TMC8: variants seen among roughly 807,000 people sequenced by gnomAD.
TMC8 encodes the protein transmembrane channel-like protein 8.
Under a neutral mutation model 76.0 loss-of-function variants are expected in TMC8, and 71 were observed. The observed-to-expected ratio is 0.93, with a 90% confidence interval of 0.77 to 1.14. The LOEUF is 1.14. Among genes scored for constraint, TMC8 ranks in the 50% most tolerant of loss-of-function variants. The pLI is 0.00. For missense variants in TMC8, 924 were observed against 947.9 expected (o/e 0.97, Z 0.33); for synonymous variants, 433 against 433.8 (o/e 1.00, Z 0.02).
In TMC8 at chr17:78,133,271, C is replaced by G. The variant is rs2075089520; in HGVS notation, c.532-135C>G. On this transcript the variant is annotated intron_variant, in intron 5 of 15. Coordinates refer to ENST00000318430, the MANE Select transcript of TMC8 (RefSeq NM_152468.5). ...TGACCGTGGGCACGTTGCCGAACCTCTGTGGGCCCTTGTAAGACGGGACAC... is the reference window on the plus strand; with the variant it reads ...TGACCGTGGGCACGTTGCCGAACCTGTGTGGGCCCTTGTAAGACGGGACAC... 2.8e-6 allele frequency: 4 copies of G among 1,431,712 alleles called. No individual in the cohort carries two copies. The African/African-American group carries it at 5.6e-5, about 20-fold the overall frequency. 88.7% of individuals were successfully genotyped at this position (1,431,712 alleles called of 1,614,324 possible).
At chr17:78,138,236 T>A (rs753500900) in intron 12 of TMC8, 48 bp downstream of exon 12, 38 of 1,613,070 alleles carry the variant, frequency 2.4e-5, no homozygotes, top group Non-Finnish European at 2.6e-5. Flanking sequence ...TCTGGGTGGA[T>A]GCCTTGAGCT....
Position 78,133,449 on chromosome 17 carries a change from G to A in TMC8, c.575G>A (p.Gly192Glu), listed in dbSNP as rs201178150. 3 of 1,613,778 alleles carry A rather than the reference G, an allele frequency of 1.9e-6. No homozygotes were observed. Among genetic ancestry groups the A allele is most frequent in the Admixed American group, 1.7e-5 (1 of 60,012 alleles). ...CTCTTCTACGGTGCGTACCGAGTGG[G>A]GCCGGAGAGCAGCTCCGTGTACAGC... Reference protein sequence around the residue: ...TYLFYGAYRVGPESSSVYSIR... With the variant: ...TYLFYGAYRVEPESSSVYSIR... Residue 192 changes from glycine (G) to glutamate (E), a missense_variant, in exon 6 of 16, where the codon GGG becomes GAG. By Grantham distance (98) the Gly-to-Glu change is moderately conservative (BLOSUM62 -2). Transcript: ENST00000318430.
At chr17:78,131,125 G>T in intron 1 of TMC8, 156 bp from the exon 2 acceptor site, 1 of 233,152 alleles carries the variant, frequency 4.3e-6, no homozygotes, top group Non-Finnish European at 8.7e-6. Flanking sequence ...TTCCGGAAGG[G>T]CAAACTGCCA....
At position 78,138,638 on chromosome 17, in the gene TMC8, G is replaced by T. The variant is rs764753165; in HGVS notation, c.1729G>T (p.Glu577Ter). The T allele has an allele frequency of 1.1e-5, 17 of 1,613,854 alleles. No individual in the cohort carries two copies. The highest frequency in any genetic ancestry group is 1.4e-5 in the Non-Finnish European group (17 of 1,180,046). ...CTCAGCACCCTGGCAAGTGGTCCCG[G>T]AGCTGGTGGCCCTTGGGCTCCCGCC... ...NYSAPWQVVP[E>*]LVALGLPPIG... The change falls in exon 14 of 16, where the codon GAG becomes TAG. Residue 577 changes from glutamate to a stop codon, truncating the protein, a stop_gained. Transcript: ENST00000318430. LOFTEE classifies it high-confidence loss of function.
chr17:78,132,070 G>A (rs1245726486), intron 3 of TMC8, 40 bp downstream of exon 3: 1 of 1,534,754 alleles, frequency 6.5e-7, no homozygotes, highest in Non-Finnish European at 8.7e-7. Context: ...TGCCCTCTCT[G>A]GAGCCCCACT....
intron 7 of TMC8, among the ~76,000 whole-genome samples, 167 bp from the exon 8 acceptor site, chr17:78,134,227 C>T (rs2075149430): frequency 6.6e-6 from 1 of 152,184 alleles, no homozygotes; most frequent in African/African-American, 2.4e-5. Context: ...GCGAGCACGC[C>T]TGTGAATGTG....
Position 78,131,584 on chromosome 17 carries a change from C to CCGAGATG in TMC8, c.-3_4dup. The CCGAGATG allele has an allele frequency of 1.3e-6, 2 of 1,544,468 alleles. No homozygotes were observed. Among genetic ancestry groups the CCGAGATG allele is most frequent in the Non-Finnish European group, 1.7e-6 (2 of 1,146,672 alleles). On this transcript the variant is annotated 5_prime_UTR_variant, in exon 2 of 16. The change creates a new upstream start codon in the 5' untranslated region. Transcript: ENST00000318430. ...GCGCCCCAGCCTCTACCCGTGCCCG[C>CCGAGATG]CGAGATGCTGCTGCCGCGGTCGGTG... is the stretch of plus-strand genomic sequence containing the variant.
At position 78,137,325 on chromosome 17, in the gene TMC8, T is replaced by G. The variant is rs753900323; in HGVS notation, c.1218T>G (p.Cys406Trp). 9.7e-5 allele frequency: 156 copies of G among 1,613,900 alleles called. No homozygotes were observed. Among genetic ancestry groups the G allele is most frequent in the Non-Finnish European group, 1.3e-4 (151 of 1,180,028 alleles). Residue 406 changes from cysteine to tryptophan, a missense_variant, in exon 10 of 16, where the codon TGT becomes TGG. By Grantham distance (215) the Cys-to-Trp change is radical (BLOSUM62 -2). Coordinates refer to ENST00000318430, the MANE Select transcript of TMC8 (RefSeq NM_152468.5). ...ILCIGRDKSS[C>W]ESYGYNVCDY... ...GCATTGGCAGAGACAAGAGCAGCTGTGAGTCCTACGGCTACAACGTTTGTG... is the reference window on the plus strand; with the variant it reads ...GCATTGGCAGAGACAAGAGCAGCTGGGAGTCCTACGGCTACAACGTTTGTG...
Position 78,137,990 on chromosome 17 carries a change from C to T in TMC8, c.1350-15C>T. ...GTCTGGAGTGGTGAGTACCTGGACC[C>T]TCCCATCCCTGCAGGCTGCTGGTGG... On this transcript the variant is annotated splice_polypyrimidine_tract_variant and intron_variant, in intron 11 of 15. Coordinates refer to ENST00000318430, the MANE Select transcript of TMC8 (RefSeq NM_152468.5). 3 of 1,613,616 alleles carry T rather than the reference C, an allele frequency of 1.9e-6. No homozygotes were observed. Among genetic ancestry groups the T allele is most frequent in the Non-Finnish European group, 2.5e-6 (3 of 1,180,002 alleles).
chr17:78,137,146 C>T, intron 9 of TMC8, 89 bp from the exon 10 acceptor site: 1 of 1,575,786 alleles, frequency 6.3e-7, no homozygotes, highest in Non-Finnish European at 8.6e-7. Context: ...AACATGATCC[C>T]ACTCGGACAT....
Position 78,138,080 on chromosome 17 carries a change from G to T in TMC8, c.1425G>T (p.Val475=). 2 of 1,614,092 alleles carry T rather than the reference G, an allele frequency of 1.2e-6. No individual in the cohort carries two copies. The highest frequency in any genetic ancestry group is 2.2e-5 in the East Asian group (1 of 44,874). The part of the protein sequence containing the change: ...EREEFLVPKN[V]LDIVAGQTVT... ...AGGAGTTCCTGGTCCCCAAGAATGT[G>T]CTGGACATCGTGGCGGGGCAGACGG... Residue 475 remains valine (V), a synonymous_variant, in exon 12 of 16, where the codon GTG becomes GTT. Transcript: ENST00000318430.
chr17:78,133,450 G>A lies in TMC8; in HGVS notation c.576G>A (p.Gly192=), dbSNP rs539283808. ...TCTTCTACGGTGCGTACCGAGTGGG[G>A]CCGGAGAGCAGCTCCGTGTACAGCA... is the stretch of plus-strand genomic sequence containing the variant. ...TYLFYGAYRV[G]PESSSVYSIR... The change falls in exon 6 of 16, where the codon GGG becomes GGA. Residue 192 remains glycine (G), a synonymous_variant. Coordinates refer to ENST00000318430, the MANE Select transcript of TMC8 (RefSeq NM_152468.5). 1.2e-6 allele frequency: 2 copies of A among 1,613,768 alleles called. No homozygotes were observed. The highest frequency in any genetic ancestry group is 1.3e-5 in the African/African-American group (1 of 75,050).
intron 10 of TMC8, 175 bp from the exon 11 acceptor site, chr17:78,137,542 C>T: frequency 8.2e-7 from 1 of 1,214,482 alleles, no homozygotes; most frequent in Admixed American, 1.7e-5. Context: ...GTGTGGCTGC[C>T]CTGGCTGTGG....
intron 15 of TMC8, among the ~76,000 whole-genome samples, chr17:78,139,905 G>A (rs1254239764): frequency 2.0e-5 from 3 of 151,934 alleles, no homozygotes; most frequent in African/African-American, 7.3e-5. Context: ...GTGATGGTGG[G>A]CGCCTGTAAT....
intron 11 of TMC8, 25 bp from the exon 12 acceptor site, chr17:78,137,980 T>C: frequency 1.2e-6 from 2 of 1,613,070 alleles, no homozygotes; most frequent in Non-Finnish European, 1.7e-6. Flanking sequence ...GAGTGGTGAG[T>C]ACCTGGACCC....
Position 78,141,317 on chromosome 17 carries a change from G to A in TMC8, c.*205G>A, listed in dbSNP as rs1047596751. ...TATTTTAATCTCATCCCTTTAAAAT[G>A]TCTATTTTTTATTGTGTTTTTTATA... On this transcript the variant is annotated 3_prime_UTR_variant, in exon 16 of 16. Coordinates refer to ENST00000318430, the MANE Select transcript of TMC8 (RefSeq NM_152468.5). 11 of 399,320 alleles carry A rather than the reference G, an allele frequency of 2.8e-5. No individual in the cohort carries two copies. Among genetic ancestry groups the A allele is most frequent in the Non-Finnish European group, 4.8e-5 (11 of 226,870 alleles). 24.7% of individuals were successfully genotyped at this position (399,320 alleles called of 1,614,324 possible).
Position 78,132,206 on chromosome 17 carries a change from C to G in TMC8, c.299-153C>G, listed in dbSNP as rs578180734. ...CACCGCAAACCTCGGGCCCACGCAGCACCCCCAGGTGACTGTCAGCGGTAC... is the reference window on the plus strand; with the variant it reads ...CACCGCAAACCTCGGGCCCACGCAGGACCCCCAGGTGACTGTCAGCGGTAC... On this transcript the variant is annotated intron_variant, in intron 3 of 15. Coordinates refer to ENST00000318430, the MANE Select transcript of TMC8 (RefSeq NM_152468.5). 5.8e-6 allele frequency: 8 copies of G among 1,371,880 alleles called. No homozygotes were observed. The Admixed American group carries it at 7.9e-5, about 14-fold the overall frequency. The allele number at this position is 1,371,880 out of a possible 1,614,324, so 85.0% of individuals were successfully genotyped here.
intron 11 of TMC8, 21 bp downstream of exon 11, chr17:78,137,835 T>C: frequency 6.2e-7 from 1 of 1,610,864 alleles, no homozygotes; most frequent in South Asian, 1.1e-5. Flanking sequence ...GGGTGACACC[T>C]CCAGAAGGGC....
chr17:78,137,974 G>T (rs1205235034), intron 11 of TMC8, 31 bp from the exon 12 acceptor site: 1 of 1,612,716 alleles, frequency 6.2e-7, no homozygotes, highest in Non-Finnish European at 8.5e-7. Context: ...TGTCTGGAGT[G>T]GTGAGTACCT....
Sources: allele counts gnomAD v4.1 joint callset (sites outside exome capture counted in the v4.1 genomes callset), GRCh38; gene constraint gnomAD v4.1.1; transcripts MANE v1.5; gene names NCBI Gene and HGNC (gene_info 2026-07-23, HGNC 2026-07-21).